EPHA4: variants seen among roughly 807,000 people sequenced by gnomAD.
EPHA4 encodes the protein EPH receptor A4, also known as ephrin type-A receptor 4.
Under a neutral mutation model 108.3 loss-of-function variants are expected in EPHA4, and 19 were observed. The ratio of observed to expected loss-of-function variants is 0.18; its 90% confidence interval spans 0.12 to 0.26. EPHA4 has a LOEUF of 0.26. Ranked by LOEUF, EPHA4 falls within the 10% of genes least tolerant of loss-of-function variation. The pLI is 1.00. For synonymous variants in EPHA4, 449 were observed against 455.5 expected (o/e 0.99, Z 0.18); for missense variants, 917 against 1,254.0 (o/e 0.73, Z 4.06).
In EPHA4 at chr2:221,419,371, T is replaced by C. The variant is rs968520011; in HGVS notation, c.*2001A>G. 3 of 152,644 alleles carry C rather than the reference T, an allele frequency of 2.0e-5. No individual in the cohort carries two copies. The highest frequency in any genetic ancestry group is 4.4e-5 in the Non-Finnish European group (3 of 68,048). The allele number at this position is 152,644 out of a possible 1,614,324, so 9.5% of individuals were successfully genotyped here. On this transcript the variant is annotated 3_prime_UTR_variant, in exon 18 of 18. Coordinates refer to ENST00000281821, the MANE Select transcript of EPHA4 (RefSeq NM_004438.5). Reference sequence around the variant, plus strand: ...ACCTTAACCTCAAGAGTCACTGGCATGTATTTTTCTGTGATATTGGGAGAC... The same window carrying C: ...ACCTTAACCTCAAGAGTCACTGGCACGTATTTTTCTGTGATATTGGGAGAC...
At chr2:221,452,513 GAGA>G (rs1208630862) in intron 8 of EPHA4, among the ~76,000 whole-genome samples, 16 of 152,204 alleles carry the variant, frequency 1.1e-4, no homozygotes, top group Non-Finnish European at 2.1e-4. Flanking sequence ...CCTGCGTGAG[GAGA>G]AGAATTGGCT....
intron 4 of EPHA4, among the ~76,000 whole-genome samples, chr2:221,492,684 G>A (rs555945589): frequency 7.1e-4 from 108 of 152,356 alleles, no homozygotes; most frequent in African/African-American, 2.5e-3. Context: ...TGAAGCAGCA[G>A]CATACGTTGA....
chr2:221,424,757 G>A (rs1689850309), intron 17 of EPHA4, among the ~76,000 whole-genome samples: 1 of 152,226 alleles, frequency 6.6e-6, no homozygotes, highest in South Asian at 2.1e-4. Context: ...TAATGGAAAA[G>A]TCTCGCCAGT....
chr2:221,436,363 C>G, intron 13 of EPHA4, 36 bp downstream of exon 13: 1 of 1,587,128 alleles, frequency 6.3e-7, no homozygotes, highest in Non-Finnish European at 8.6e-7. Flanking sequence ...ACAGTTTCAC[C>G]AGAGTGAAAG....
At chr2:221,508,328 C>A (rs561136194) in intron 3 of EPHA4, among the ~76,000 whole-genome samples, 1 of 152,178 alleles carries the variant, frequency 6.6e-6, no homozygotes, top group East Asian at 1.9e-4. Context: ...CCTGTAATCC[C>A]AGCACTTTGG....
intron 3 of EPHA4, among the ~76,000 whole-genome samples, chr2:221,514,548 T>C (rs900209044): frequency 2.6e-5 from 4 of 152,168 alleles, no homozygotes; most frequent in African/African-American, 9.7e-5. Context: ...TGCAGGTGAA[T>C]TATTTGTCCC....
At position 221,545,834 on chromosome 2, in the gene EPHA4, C is replaced by A. The variant is rs1411972451; in HGVS notation, c.823+17897G>T. Among the ~76,000 whole-genome samples, 3 of 152,164 alleles carry A rather than the reference C, an allele frequency of 2.0e-5. No individual in the cohort carries two copies. The East Asian group carries it at 5.8e-4, about 29-fold the overall frequency. On this transcript the variant is annotated intron_variant, in intron 3 of 17. Transcript: ENST00000281821. ...CTTCTGTTGACCTGGAATGCACTTG[C>A]TTAATCCACAAGATTCTACACTTAA...
At chr2:221,536,151 T>A (rs1693663088) in intron 3 of EPHA4, among the ~76,000 whole-genome samples, 2 of 152,192 alleles carry the variant, frequency 1.3e-5, no homozygotes, top group African/African-American at 4.8e-5. Context: ...TATCACTCAT[T>A]TTGACACTTA....
intron 2 of EPHA4, among the ~76,000 whole-genome samples, chr2:221,564,635 G>C (rs1010036123): frequency 4.6e-5 from 7 of 151,784 alleles, no homozygotes; most frequent in Admixed American, 3.3e-4. Context: ...AGGCAATGGT[G>C]GATTTACTGC....
intron 4 of EPHA4, among the ~76,000 whole-genome samples, chr2:221,486,903 G>A (rs1025847768): frequency 1.8e-4 from 27 of 152,074 alleles, no homozygotes; most frequent in Non-Finnish European, 2.6e-4. Context: ...CTTATACCCA[G>A]TGTTATGAAG....
chr2:221,539,325 C>G (rs977151754), intron 3 of EPHA4, among the ~76,000 whole-genome samples: 1 of 152,148 alleles, frequency 6.6e-6, no homozygotes, highest in Admixed American at 6.5e-5. Flanking sequence ...AGTCAAATAG[C>G]TAATAAATGG....
At chr2:221,489,252 T>TGAAATGGGTTTGGCA (rs1289005244) in intron 4 of EPHA4, among the ~76,000 whole-genome samples, 1 of 152,238 alleles carries the variant, frequency 6.6e-6, no homozygotes, top group African/African-American at 2.4e-5. Flanking sequence ...AATTGCGTTT[T>TGAAATGGGTTTGGCA]GAAATGGGTT....
chr2:221,470,582 C>T (rs985846438), intron 5 of EPHA4, among the ~76,000 whole-genome samples: 6 of 81,524 alleles, frequency 7.4e-5, no homozygotes, highest in Non-Finnish European at 1.5e-4. Context: ...GGAACCTCTG[C>T]TTTTCCCTAA....
chr2:221,567,212 C>T (rs1382686447), intron 2 of EPHA4, among the ~76,000 whole-genome samples: 2 of 152,122 alleles, frequency 1.3e-5, no homozygotes, highest in South Asian at 2.1e-4. Flanking sequence ...ATAAGGCTCA[C>T]TGAATTTATT....
At chr2:221,507,640 G>A (rs939242588) in intron 3 of EPHA4, among the ~76,000 whole-genome samples, 4 of 152,010 alleles carry the variant, frequency 2.6e-5, no homozygotes, top group East Asian at 1.9e-4. Context: ...GATGACTGAT[G>A]TAGAGAAATA....
intron 11 of EPHA4, 157 bp from the exon 12 acceptor site, chr2:221,437,279 G>T: frequency 1.8e-6 from 1 of 546,936 alleles, no homozygotes; most frequent in Non-Finnish European, 3.2e-6. Context: ...TGGGGAGCTA[G>T]GAATGAAATA....
intron 5 of EPHA4, among the ~76,000 whole-genome samples, chr2:221,477,255 G>A (rs2106136440): frequency 6.6e-6 from 1 of 152,260 alleles, no homozygotes; most frequent in East Asian, 1.9e-4. Flanking sequence ...ATGGGGCAAT[G>A]GAGCCAGAGA....
At chr2:221,452,156 A>C (rs1690806601) in intron 8 of EPHA4, among the ~76,000 whole-genome samples, 1 of 152,252 alleles carries the variant, frequency 6.6e-6, no homozygotes, top group Non-Finnish European at 1.5e-5. Flanking sequence ...GGAATCTTGC[A>C]TGCCATCAGC....
intron 1 of EPHA4, among the ~76,000 whole-genome samples, chr2:221,570,326 C>CA (rs575235831): frequency 0.071 from 7,320 of 103,100 alleles, 268 homozygotes; most frequent in Non-Finnish European, 0.092. Flanking sequence ...CCCCCCCCCC[C>CA]AAAAAAAGAG....
Sources: allele counts gnomAD v4.1 joint callset (sites outside exome capture counted in the v4.1 genomes callset), GRCh38; gene constraint gnomAD v4.1.1; transcripts MANE v1.5; gene names NCBI Gene and HGNC (gene_info 2026-07-23, HGNC 2026-07-21).